AUTS2: variants seen among roughly 807,000 people sequenced by gnomAD.
AUTS2 encodes the protein activator of transcription and developmental regulator AUTS2, also known as autism susceptibility gene 2 protein.
In AUTS2, 17 loss-of-function variants were observed where a neutral mutation model predicts 112.4. That is an observed-to-expected ratio of 0.15 (90% confidence interval 0.10 to 0.23). AUTS2 has a LOEUF of 0.23. AUTS2 is among the 10% of genes least tolerant of loss of function. The pLI is 1.00. For synonymous variants in AUTS2, 751 were observed against 702.7 expected (o/e 1.07, Z -1.09); for missense variants, 1,510 against 1,701.6 (o/e 0.89, Z 1.98).
intron 6 of AUTS2, among the ~76,000 whole-genome samples, chr7:70,731,707 G>A (rs961967466): frequency 6.6e-6 from 1 of 151,620 alleles, no homozygotes; most frequent in South Asian, 2.1e-4. Context: ...GGGATTACAG[G>A]CATGAGCCAC....
chr7:70,000,026 G>A (rs1311357121), intron 2 of AUTS2, among the ~76,000 whole-genome samples: 3 of 152,172 alleles, frequency 2.0e-5, no homozygotes, highest in African/African-American at 4.8e-5. Context: ...AGCTTAATTC[G>A]ACTGGATGCA....
At chr7:70,417,522 CT>C (rs1201001979) in intron 4 of AUTS2, among the ~76,000 whole-genome samples, 1 of 152,210 alleles carries the variant, frequency 6.6e-6, no homozygotes, top group African/African-American at 2.4e-5. Context: ...CAGGCGAGAG[CT>C]TTGCAATGTG....
At chr7:69,881,288 G>A (rs114519435) in intron 1 of AUTS2, among the ~76,000 whole-genome samples, 2,134 of 151,890 alleles carry the variant, frequency 0.014, 19 homozygotes, top group African/African-American at 0.029. Context: ...CTTTTTCCCC[G>A]TCTTTCCCTG....
chr7:70,790,855 G>C lies in AUTS2; in HGVS notation c.3639G>C (p.Pro1213=). Residue 1213 remains proline, a synonymous_variant, in exon 19 of 19, where the codon CCG becomes CCC. Transcript: ENST00000342771. The surrounding 1 kb of genome is among the most constrained non-coding windows in gnomAD (Gnocchi z 7.6). The stretch of plus-strand genomic sequence containing the variant: ...ACGGACTCCTCAACAAGACCCCTCC[G>C]ACAGCAGCGCTGAGCGCACCTCCCC... ...NQNGLLNKTP[P]TAALSAPPPL... The C allele has an allele frequency of 6.2e-7, 1 of 1,606,668 alleles. No homozygotes were observed. The highest frequency in any genetic ancestry group is 1.3e-5 in the African/African-American group (1 of 74,830).
chr7:70,319,559 A>T (rs1235565052), intron 4 of AUTS2, among the ~76,000 whole-genome samples: 2 of 152,206 alleles, frequency 1.3e-5, no homozygotes, highest in African/African-American at 4.8e-5. Flanking sequence ...TGTGTATGTT[A>T]AAAAGTGTTT....
At chr7:70,204,065 CAGTT>C (rs554444769) in intron 4 of AUTS2, among the ~76,000 whole-genome samples, 175 of 151,050 alleles carry the variant, frequency 1.2e-3, no homozygotes, top group African/African-American at 4.0e-3. Context: ...AAAATAACAT[CAGTT>C]ATTTTCCCTC....
intron 1 of AUTS2, among the ~76,000 whole-genome samples, chr7:69,811,628 T>C (rs1790546331): frequency 6.6e-6 from 1 of 152,202 alleles, no homozygotes. Context: ...CTGTATAGAC[T>C]TTGCTGTACC....
At chr7:69,666,225 A>T (rs1446068533) in intron 1 of AUTS2, among the ~76,000 whole-genome samples, 2 of 152,230 alleles carry the variant, frequency 1.3e-5, no homozygotes, top group Non-Finnish European at 2.9e-5. Context: ...ATTTGGAGCG[A>T]GGAAAAAATG....
intron 2 of AUTS2, among the ~76,000 whole-genome samples, chr7:70,000,492 G>C (rs1203558662): frequency 2.0e-5 from 3 of 152,164 alleles, no homozygotes; most frequent in Non-Finnish European, 4.4e-5. Context: ...ATCTATCCTA[G>C]TGAAAGTTAG....
chr7:69,685,408 T>C (rs1797017480), intron 1 of AUTS2, among the ~76,000 whole-genome samples: 1 of 152,220 alleles, frequency 6.6e-6, no homozygotes, highest in Non-Finnish European at 1.5e-5. Flanking sequence ...CTCTATTCCT[T>C]CCAGTTTGCC....
At chr7:70,013,524 A>T (rs1015309770) in intron 2 of AUTS2, among the ~76,000 whole-genome samples, 1 of 152,170 alleles carries the variant, frequency 6.6e-6, no homozygotes. Context: ...TTTGACTGTC[A>T]GTCTACTAAT....
intron 2 of AUTS2, among the ~76,000 whole-genome samples, chr7:70,054,219 G>C (rs1801890935): frequency 6.6e-6 from 1 of 152,112 alleles, no homozygotes; most frequent in African/African-American, 2.4e-5. Flanking sequence ...CTACCATACT[G>C]GGTAGCACAG....
chr7:69,880,284 A>G (rs1192688130), intron 1 of AUTS2, among the ~76,000 whole-genome samples: 1 of 152,212 alleles, frequency 6.6e-6, no homozygotes, highest in African/African-American at 2.4e-5. Context: ...ACCTCTCACC[A>G]GGCCTTACTT....
chr7:70,160,621 C>A (rs1219549720), intron 4 of AUTS2, among the ~76,000 whole-genome samples: 1 of 152,148 alleles, frequency 6.6e-6, no homozygotes, highest in Non-Finnish European at 1.5e-5. Flanking sequence ...ACAGTTATCA[C>A]CCAAAATGCA....
At chr7:69,674,908 C>T (rs748729097) in intron 1 of AUTS2, among the ~76,000 whole-genome samples, 4 of 152,122 alleles carry the variant, frequency 2.6e-5, no homozygotes, top group East Asian at 1.9e-4. Flanking sequence ...GAACAGATTC[C>T]GAAGTGTGTG....
At chr7:70,375,457 AT>A (rs1019283866) in intron 4 of AUTS2, among the ~76,000 whole-genome samples, 11 of 152,112 alleles carry the variant, frequency 7.2e-5, no homozygotes, top group African/African-American at 2.7e-4. Flanking sequence ...ACAAGAATTT[AT>A]TTTTTTACTG....
At chr7:70,642,110 C>T (rs1223320274) in intron 5 of AUTS2, among the ~76,000 whole-genome samples, 1 of 152,312 alleles carries the variant, frequency 6.6e-6, no homozygotes, top group East Asian at 1.9e-4. Flanking sequence ...CTGTTATTCA[C>T]CTTTCTAGCT....
chr7:69,757,984 ATACACT>A (rs1276545298), intron 1 of AUTS2, among the ~76,000 whole-genome samples: 3 of 152,250 alleles, frequency 2.0e-5, no homozygotes, highest in Non-Finnish European at 2.9e-5. Flanking sequence ...AATTCTGAAG[ATACACT>A]TAACTAGGTC....
At chr7:70,314,686 G>T (rs1789915292) in intron 4 of AUTS2, among the ~76,000 whole-genome samples, 1 of 151,590 alleles carries the variant, frequency 6.6e-6, no homozygotes. Context: ...AGAATATCAA[G>T]GGTATCTAGT....
Sources: allele counts gnomAD v4.1 joint callset (sites outside exome capture counted in the v4.1 genomes callset), GRCh38; gene constraint gnomAD v4.1.1; non-coding constraint Gnocchi (gnomAD v3.1); transcripts MANE v1.5; gene names NCBI Gene and HGNC (gene_info 2026-07-23, HGNC 2026-07-21).